Variants in NLRP9 observed in about 807,000 individuals in gnomAD.
NLRP9 encodes the protein NLR family pyrin domain containing 9.
A neutral mutation model predicts 83.1 loss-of-function variants in NLRP9; 88 were observed. That is an observed-to-expected ratio of 1.06 (90% CI 0.89 to 1.26). The LOEUF (loss-of-function observed/expected upper bound fraction) is 1.26. Among genes scored for constraint, NLRP9 ranks in the 50% most tolerant of loss-of-function variants. The probability of loss-of-function intolerance (pLI) is 0.00; values close to 1 mark genes in which losing one functional copy is unlikely to be tolerated. For missense variants in NLRP9, 1,308 were observed against 1,179.3 expected (o/e 1.11, Z -1.60); for synonymous variants, 521 against 447.6 (o/e 1.16, Z -2.07).
chr19:55,729,721 A>G (rs764123408), intron 3 of NLRP9, 110 bp downstream of exon 3: 14 of 842,710 alleles, frequency 1.7e-5, no homozygotes, highest in Middle Eastern at 5.7e-4. Flanking sequence ...TACATTTAAC[A>G]CACTGGATTG....
chr19:55,712,710 G>C (rs188822938), intron 6 of NLRP9, 120 bp from the exon 7 acceptor site: 1 of 781,420 alleles, frequency 1.3e-6, no homozygotes, highest in Non-Finnish European at 2.0e-6. Context: ...ATGATGAGGA[G>C]GGTGGGGAGG....
At chr19:55,717,008 A>G (rs1333178128) in intron 4 of NLRP9, 110 bp from the exon 5 acceptor site, 8 of 737,224 alleles carry the variant, frequency 1.1e-5, no homozygotes, top group Middle Eastern at 3.0e-4. Context: ...CTGCCGATCC[A>G]TTATCTACAC....
rs1192004428 is a variant in NLRP9, at chr19:55,733,390, A to C, written c.441T>G (p.Thr147=). Residue 147 remains threonine (T), a synonymous_variant, in exon 2 of 9, where the codon ACT becomes ACG. Transcript: ENST00000332836. ...TTCCATCAGGACCTTCCAGGACCAC[A>C]GTGTGTCGTCTAGCCGCAGCAGTAT... The part of the protein sequence containing the change: ...DAYTAAARRH[T]VVLEGPDGIG... The C allele has an allele frequency of 5.0e-6, 8 of 1,614,062 alleles. No homozygotes were observed. The highest frequency in any genetic ancestry group is 6.8e-6 in the Non-Finnish European group (8 of 1,180,034).
Position 55,733,498 on chromosome 19 carries a change from C to A in NLRP9, c.333G>T (p.Trp111Cys). The change falls in exon 2 of 9, where the codon TGG (tryptophan) becomes TGT (cysteine). Residue 111 changes from tryptophan to cysteine, a missense_variant. Coordinates refer to ENST00000332836, the MANE Select transcript of NLRP9 (RefSeq NM_176820.4). ...KHMKETFQLI[W>C]EKETCLHVPE... ...GGACGTGAAGACAGGTTTCCTTCTC[C>A]CATATGAGTTGAAATGTTTCCTTCA... is the stretch of plus-strand genomic sequence containing the variant. The A allele has an allele frequency of 1.2e-6, 2 of 1,610,950 alleles. No individual in the cohort carries two copies. Among genetic ancestry groups the A allele is most frequent in the South Asian group, 2.2e-5 (2 of 90,402 alleles).
intron 4 of NLRP9, among the ~76,000 whole-genome samples, chr19:55,717,838 A>G (rs187460295): frequency 4.6e-5 from 7 of 152,292 alleles, no homozygotes; most frequent in African/African-American, 1.7e-4. Flanking sequence ...TGGTTCAGAG[A>G]GCGTCCAGGT....
intron 4 of NLRP9, among the ~76,000 whole-genome samples, chr19:55,720,263 G>C (rs1307715654): frequency 1.3e-5 from 2 of 152,124 alleles, no homozygotes; most frequent in Non-Finnish European, 2.9e-5. Flanking sequence ...CTTGTGCATG[G>C]TACAATAAGA....
chr19:55,717,829 G>A (rs932025733), intron 4 of NLRP9, among the ~76,000 whole-genome samples: 1 of 152,162 alleles, frequency 6.6e-6, no homozygotes, highest in Non-Finnish European at 1.5e-5. Flanking sequence ...ACAAGAATGT[G>A]GTTCAGAGAG....
intron 3 of NLRP9, among the ~76,000 whole-genome samples, chr19:55,725,432 T>C (rs1435910976): frequency 6.6e-6 from 1 of 152,082 alleles, no homozygotes; most frequent in African/African-American, 2.4e-5. Context: ...CTTTAAGAAA[T>C]GACAGAGAAT....
chr19:55,726,294 A>G (rs549355214), intron 3 of NLRP9, among the ~76,000 whole-genome samples: 4 of 152,310 alleles, frequency 2.6e-5, no homozygotes, highest in African/African-American at 4.8e-5. Flanking sequence ...AGGATAATCA[A>G]CCTCATGGAA....
intron 8 of NLRP9, among the ~76,000 whole-genome samples, chr19:55,710,150 G>A (rs1182738033): frequency 1.3e-5 from 2 of 152,156 alleles, no homozygotes; most frequent in South Asian, 2.1e-4. Context: ...TAACTGCTCT[G>A]AATGCTTGCT....
intron 1 of NLRP9, chr19:55,737,515 C>G (rs1194414762): frequency 6.5e-6 from 1 of 152,718 alleles, no homozygotes; most frequent in African/African-American, 2.4e-5. Flanking sequence ...AACCTCCAAA[C>G]AAGCTCGCAA....
At chr19:55,713,082 C>G (rs981100423) in intron 6 of NLRP9, among the ~76,000 whole-genome samples, 2 of 150,508 alleles carry the variant, frequency 1.3e-5, no homozygotes, top group Admixed American at 6.6e-5. Flanking sequence ...GCCTGGCTCT[C>G]TTTTCTCTGT....
At chr19:55,727,785 C>T (rs62126980) in intron 3 of NLRP9, among the ~76,000 whole-genome samples, 1 of 152,124 alleles carries the variant, frequency 6.6e-6, no homozygotes, top group African/African-American at 2.4e-5. Context: ...AAACGCATCC[C>T]CATCCATCAT....
At chr19:55,736,640 C>A (rs1988792633) in intron 1 of NLRP9, among the ~76,000 whole-genome samples, 1 of 151,852 alleles carries the variant, frequency 6.6e-6, no homozygotes, top group Non-Finnish European at 1.5e-5. Context: ...TTGAGACCAG[C>A]CTGACCAACA....
intron 1 of NLRP9, chr19:55,737,734 TAAAAAAA>T (rs57736610): frequency 4.7e-4 from 38 of 80,272 alleles, no homozygotes; most frequent in South Asian, 4.7e-3. Flanking sequence ...ACCCTTTCTC[TAAAAAAA>T]AAAAAAAAAA....
chr19:55,729,060 T>C (rs1188802977), intron 3 of NLRP9, among the ~76,000 whole-genome samples: 3 of 141,190 alleles, frequency 2.1e-5, no homozygotes, highest in Non-Finnish European at 4.5e-5. Context: ...CTTTTTTTTT[T>C]TTTTTTTTTT....
intron 1 of NLRP9, among the ~76,000 whole-genome samples, chr19:55,733,946 G>A (rs1362491186): frequency 2.2e-4 from 13 of 58,794 alleles, no homozygotes; most frequent in African/African-American, 1.2e-3. Context: ...TTTTTGAGAC[G>A]GAGTCTCGCT....
chr19:55,729,053 T>TTTTC (rs1555795588), intron 3 of NLRP9, among the ~76,000 whole-genome samples: 5 of 134,822 alleles, frequency 3.7e-5, no homozygotes, highest in African/African-American at 1.5e-4. Flanking sequence ...TCTTTTTCTT[T>TTTTC]TTTTTTTTTT....
In NLRP9 at chr19:55,709,047, G is replaced by C; in HGVS notation, c.2844-3C>G. 1 of 1,554,990 alleles carries C rather than the reference G, an allele frequency of 6.4e-7. No homozygotes were observed. Among genetic ancestry groups the C allele is most frequent in the South Asian group, 1.2e-5 (1 of 80,022 alleles). The stretch of plus-strand genomic sequence containing the variant: ...CATCAAAGCCAGATTTGTGCAGCCT[G>C]GGAAAATAGAAATAAAGTTTTTTTT... On this transcript the variant is annotated splice_region_variant and splice_polypyrimidine_tract_variant and intron_variant, in intron 8 of 8. Coordinates refer to ENST00000332836, the MANE Select transcript of NLRP9 (RefSeq NM_176820.4).
Sources: allele counts gnomAD v4.1 joint callset (sites outside exome capture counted in the v4.1 genomes callset), GRCh38; gene constraint gnomAD v4.1.1; transcripts MANE v1.5; gene names NCBI Gene and HGNC (gene_info 2026-07-23, HGNC 2026-07-21).